USP35: variants seen among roughly 807,000 people sequenced by gnomAD.
USP35 encodes the protein ubiquitin carboxyl-terminal hydrolase 35.
USP35 carries 69 observed loss-of-function variants against 83.8 expected under a neutral mutation model. The observed-to-expected ratio is 0.82, with a 90% CI of 0.68 to 1.01. The LOEUF (loss-of-function observed/expected upper bound fraction) is 1.01. Ranked by LOEUF, USP35 falls within the 50% of genes least tolerant of loss-of-function variation. The pLI is 0.00. For missense variants in USP35, 1,503 were observed against 1,362.5 expected, an observed-to-expected ratio of 1.10 and a Z score of -1.62; for synonymous variants, 714 against 589.5, an observed-to-expected ratio of 1.21 and a Z score of -3.06.
chr11:78,221,636 G>T, the USP35 span: 2 of 1,270,620 alleles, frequency 1.6e-6, no homozygotes, highest in South Asian at 1.2e-5. Context: ...GGTCCCAGGG[G>T]ACTTGAAAGG....
the USP35 span, chr11:78,226,609 G>C: frequency 6.2e-7 from 1 of 1,612,070 alleles, no homozygotes; most frequent in Non-Finnish European, 8.5e-7. Context: ...GGCTTGGGGG[G>C]GCGGGGTGGG....
In USP35 at chr11:78,189,006, A is replaced by AAGC. The variant is rs1473815367; in HGVS notation, c.-157_-155dup. 1.0e-6 allele frequency: 1 copy of AAGC among 956,996 alleles called. No homozygotes were observed. The highest frequency in any genetic ancestry group is 1.8e-5 in the African/African-American group (1 of 56,642). The allele number at this position is 956,996 out of a possible 1,614,324, so 59.3% of individuals were successfully genotyped here. A position where few individuals can be genotyped will look rare whatever the true frequency, so the allele number is the denominator to read the frequency against. On this transcript the variant is annotated 5_prime_UTR_variant, in exon 1 of 11. Transcript: ENST00000529308. ...GTGGGAAGACTGGATTTTGCAGTGGAAGCAGCATCTCTTCCGTCTGGGACC... is the reference window on the plus strand; with the variant it reads ...GTGGGAAGACTGGATTTTGCAGTGGAAGCAGCAGCATCTCTTCCGTCTGGGACC...
downstream of USP35, chr11:78,215,807 C>T (rs538433501): frequency 6.5e-6 from 1 of 152,802 alleles, no homozygotes; most frequent in South Asian, 2.1e-4. Context: ...TGAGACCAGT[C>T]TGGCTTCCCC....
Position 78,199,739 on chromosome 11 carries a change from C to T in USP35, c.936+15C>T, listed in dbSNP as rs140334983. On this transcript the variant is annotated intron_variant, in intron 4 of 10. Coordinates refer to ENST00000529308, the MANE Select transcript of USP35 (RefSeq NM_020798.4). ...AAATTGAGAAGGTTGGTGCCCCTGT[C>T]CTAGCCCAGAGTTACAGCCTTTTGT... 1 of 1,614,126 alleles carries T rather than the reference C, an allele frequency of 6.2e-7. No individual in the cohort carries two copies. The highest frequency in any genetic ancestry group is 8.5e-7 in the Non-Finnish European group (1 of 1,179,970).
At chr11:78,204,719 C>T (rs1289409805) in intron 6 of USP35, among the ~76,000 whole-genome samples, 1 of 152,208 alleles carries the variant, frequency 6.6e-6, no homozygotes, top group Non-Finnish European at 1.5e-5. Flanking sequence ...GAAGAAGATA[C>T]TGAGCCTGTA....
At chr11:78,230,587 A>T in the USP35 span, among the ~76,000 whole-genome samples, 1 of 152,224 alleles carries the variant, frequency 6.6e-6, no homozygotes, top group Non-Finnish European at 1.5e-5. Context: ...CTTCTACCAG[A>T]CCATGTGCTC....
At chr11:78,208,441 G>A (rs1271839131) in intron 8 of USP35, among the ~76,000 whole-genome samples, 1 of 152,176 alleles carries the variant, frequency 6.6e-6, no homozygotes, top group African/African-American at 2.4e-5. Context: ...AGCTCTGTGT[G>A]GGGGCACAGA....
downstream of USP35, chr11:78,216,763 C>T (rs914485566): frequency 8.5e-5 from 13 of 152,310 alleles, no homozygotes; most frequent in African/African-American, 2.7e-4. Context: ...TCTGGGCCCA[C>T]TTGTGGCTGC....
Position 78,214,879 on chromosome 11 carries a change from GACTGACTT to G in USP35, c.*1070_*1077del, listed in dbSNP as rs780112437. Among the ~76,000 whole-genome samples, 10 of 137,156 alleles carry G rather than the reference GACTGACTT, an allele frequency of 7.3e-5. No homozygotes were observed. The highest frequency in any genetic ancestry group is 1.5e-4 in the Non-Finnish European group (10 of 65,684). 90.0% of individuals were successfully genotyped at this position (137,156 alleles called of 152,430 possible). ...TGGGGTGTAAGTAAACGTGTGGACTGACTGACTTACTTACCTTACTGAGGGCTGGGTGA... is the reference window on the plus strand; with the variant it reads ...TGGGGTGTAAGTAAACGTGTGGACTGACTTACCTTACTGAGGGCTGGGTGA... On this transcript the variant is annotated 3_prime_UTR_variant, in exon 11 of 11. Transcript: ENST00000529308.
chr11:78,198,696 G>A, intron 3 of USP35: 7 of 985,428 alleles, frequency 7.1e-6, no homozygotes, highest in Non-Finnish European at 8.4e-6. Flanking sequence ...TGCCTTTAGT[G>A]GGTAAGAGTG....
chr11:78,220,340 G>A, the USP35 span: 9 of 1,612,544 alleles, frequency 5.6e-6, no homozygotes, highest in Middle Eastern at 1.9e-4. Context: ...GGCTTGGGGA[G>A]CTCGGCTGGA....
chr11:78,207,648 G>C (rs1863573720), intron 8 of USP35, 25 bp downstream of exon 8: 1 of 1,609,928 alleles, frequency 6.2e-7, no homozygotes, highest in African/African-American at 1.3e-5. Context: ...AGTCAGAGGG[G>C]GGTGGAGAGG....
chr11:78,203,392 A>G (rs1390404140), intron 6 of USP35, among the ~76,000 whole-genome samples: 1 of 152,076 alleles, frequency 6.6e-6, no homozygotes, highest in African/African-American at 2.4e-5. Context: ...CAGTGCCTTG[A>G]AAACTAGGTT....
At chr11:78,208,521 T>C (rs1863607307) in intron 8 of USP35, among the ~76,000 whole-genome samples, 1 of 152,028 alleles carries the variant, frequency 6.6e-6, no homozygotes, top group African/African-American at 2.4e-5. Flanking sequence ...GAAGATGACA[T>C]GGAAGAGGCA....
chr11:78,199,901 C>T (rs1296707031), intron 4 of USP35, among the ~76,000 whole-genome samples, 177 bp downstream of exon 4: 2 of 152,234 alleles, frequency 1.3e-5, no homozygotes, highest in East Asian at 1.9e-4. Context: ...TCCCTGACTA[C>T]TCATCCAAGT....
intron 1 of USP35, among the ~76,000 whole-genome samples, chr11:78,189,864 G>T (rs1379153988): frequency 2.6e-5 from 4 of 152,144 alleles, no homozygotes; most frequent in Non-Finnish European, 5.9e-5. Context: ...CCCAGACATG[G>T]GCCTCCCGGA....
At chr11:78,222,991 G>T in the USP35 span, among the ~76,000 whole-genome samples, 1 of 152,160 alleles carries the variant, frequency 6.6e-6, no homozygotes, top group African/African-American at 2.4e-5. Context: ...ATGCCATAAG[G>T]GCTTGAGGGC....
downstream of USP35, chr11:78,216,481 C>G (rs1345621673): frequency 6.6e-6 from 1 of 152,170 alleles, no homozygotes; most frequent in African/African-American, 2.4e-5. Flanking sequence ...TAGTTTGGGG[C>G]CTGTGAGCCA....
At chr11:78,201,979 A>G (rs1863372893) in intron 6 of USP35, among the ~76,000 whole-genome samples, 1 of 152,228 alleles carries the variant, frequency 6.6e-6, no homozygotes, top group Non-Finnish European at 1.5e-5. Flanking sequence ...GCTACAAAAC[A>G]GCTAGAAATG....
Sources: allele counts gnomAD v4.1 joint callset (sites outside exome capture counted in the v4.1 genomes callset), GRCh38; gene constraint gnomAD v4.1.1; transcripts MANE v1.5; gene names NCBI Gene and HGNC (gene_info 2026-07-23, HGNC 2026-07-21).